Variants in NEGR1 observed in about 807,000 individuals in gnomAD.
NEGR1 encodes IgLON family member 4.
NEGR1 carries 10 observed loss-of-function variants against 40.9 expected under a neutral mutation model. That is an observed-to-expected ratio of 0.24 (90% CI 0.15 to 0.42). The LOEUF (loss-of-function observed/expected upper bound fraction) is 0.42. Ranked by LOEUF, NEGR1 falls within the 10% of genes least tolerant of loss-of-function variation. NEGR1 has a pLI of 1.00. For missense variants in NEGR1, 352 were observed against 438.9 expected (o/e 0.80, Z 1.77); for synonymous variants, 185 against 166.8 (o/e 1.11, Z -0.84).
At chr1:72,155,719 C>T (rs1358842127) in intron 1 of NEGR1, among the ~76,000 whole-genome samples, 1 of 151,922 alleles carries the variant, frequency 6.6e-6, no homozygotes, top group African/African-American at 2.4e-5. Context: ...AGAGAATAGA[C>T]CTCAGACAAA....
At chr1:72,037,546 A>G (rs1352335313) in intron 1 of NEGR1, among the ~76,000 whole-genome samples, 1 of 152,032 alleles carries the variant, frequency 6.6e-6, no homozygotes, top group Non-Finnish European at 1.5e-5. Context: ...TTTGGGAAGC[A>G]CTCTGCCTTT....
chr1:71,928,477 C>A (rs1181112069), intron 2 of NEGR1, among the ~76,000 whole-genome samples: 1 of 114,482 alleles, frequency 8.7e-6, no homozygotes, highest in African/African-American at 3.0e-5. Context: ...TATATATACA[C>A]ATATATATGT....
intron 1 of NEGR1, among the ~76,000 whole-genome samples, chr1:71,991,038 A>G (rs983770054): frequency 3.9e-5 from 6 of 151,974 alleles, no homozygotes; most frequent in Admixed American, 3.9e-4. Context: ...TTGAATAAAT[A>G]TCCTGTAGTT....
At chr1:71,687,613 G>A (rs924689001) in intron 4 of NEGR1, among the ~76,000 whole-genome samples, 2 of 152,284 alleles carry the variant, frequency 1.3e-5, no homozygotes, top group Admixed American at 1.3e-4. Context: ...TCTATTCACT[G>A]GGAATCCTAA....
At position 71,435,015 on chromosome 1, in the gene NEGR1, T is replaced by C. The variant is rs574013785; in HGVS notation, c.941-27445A>G. Reference sequence around the variant, plus strand: ...CTGAGGCAGGAGAATGGCGTGAACCTGGGAGGCAGAGCTTGCAGTGAGCCG... The same window carrying C: ...CTGAGGCAGGAGAATGGCGTGAACCCGGGAGGCAGAGCTTGCAGTGAGCCG... On this transcript the variant is annotated intron_variant, in intron 6 of 6. Coordinates refer to ENST00000357731, the MANE Select transcript of NEGR1 (RefSeq NM_173808.3). Among the ~76,000 whole-genome samples the C allele has an allele frequency of 8.4e-3, 1,271 of 151,772 alleles. 8 individuals carry two copies. The highest frequency in any genetic ancestry group is 0.016 in the African/African-American group (668 of 41,320).
chr1:71,776,363 T>C lies in NEGR1; in HGVS notation c.410-66A>G, dbSNP rs1570331406. The C allele has an allele frequency of 6.5e-6, 6 of 929,920 alleles. No individual in the cohort carries two copies. The East Asian group carries it at 1.8e-4, about 28-fold the overall frequency. The allele number at this position is 929,920 out of a possible 1,614,324, so 57.6% of individuals were successfully genotyped here. On this transcript the variant is annotated intron_variant, in intron 2 of 6. Transcript: ENST00000357731. Reference sequence around the variant, plus strand: ...AAAGTTTTGTTGAAGTACGTATGATTAATTCCATAATATCATGCAAGAAAG... The same window carrying C: ...AAAGTTTTGTTGAAGTACGTATGATCAATTCCATAATATCATGCAAGAAAG...
chr1:71,855,745 C>A (rs1401423374), intron 2 of NEGR1, among the ~76,000 whole-genome samples: 1 of 122,388 alleles, frequency 8.2e-6, no homozygotes, highest in East Asian at 3.0e-4. Context: ...ATATTAATGT[C>A]ATCATGAAAA....
intron 1 of NEGR1, among the ~76,000 whole-genome samples, chr1:72,149,015 C>A (rs529218037): frequency 9.9e-5 from 15 of 152,258 alleles, no homozygotes; most frequent in Admixed American, 7.9e-4. Context: ...TGCAACTTTA[C>A]TGGTACCAAT....
chr1:71,939,671 A>G (rs1364805080), intron 1 of NEGR1, among the ~76,000 whole-genome samples: 1 of 152,200 alleles, frequency 6.6e-6, no homozygotes, highest in African/African-American at 2.4e-5. Flanking sequence ...ATCAGAAAAA[A>G]AGGCAAGTCA....
intron 1 of NEGR1, among the ~76,000 whole-genome samples, chr1:72,264,193 C>T (rs1655561628): frequency 6.6e-6 from 1 of 151,178 alleles, no homozygotes; most frequent in Non-Finnish European, 1.5e-5. Context: ...GATTGAGTTC[C>T]AATCCAAGCT....
intron 6 of NEGR1, among the ~76,000 whole-genome samples, chr1:71,540,403 AT>A (rs1435131367): frequency 2.6e-5 from 4 of 151,768 alleles, no homozygotes; most frequent in African/African-American, 9.7e-5. Flanking sequence ...CGGACTGTTT[AT>A]TTCCTTATAC....
At chr1:71,428,181 C>A (rs549727879) in intron 6 of NEGR1, among the ~76,000 whole-genome samples, 2 of 152,270 alleles carry the variant, frequency 1.3e-5, no homozygotes, top group South Asian at 4.2e-4. Flanking sequence ...ATAAAGACTG[C>A]AAATGCCCTC....
At chr1:72,243,439 C>T (rs1004314098) in intron 1 of NEGR1, among the ~76,000 whole-genome samples, 4 of 151,666 alleles carry the variant, frequency 2.6e-5, no homozygotes, top group African/African-American at 4.8e-5. Flanking sequence ...CCCTGTGACA[C>T]GCAATTTACC....
intron 2 of NEGR1, among the ~76,000 whole-genome samples, chr1:71,876,405 A>C (rs1660431300): frequency 6.6e-6 from 1 of 151,968 alleles, no homozygotes; most frequent in Non-Finnish European, 1.5e-5. Context: ...GTCCCAGCTA[A>C]TCTAGGGGCT....
At chr1:72,040,027 T>C (rs1646938044) in intron 1 of NEGR1, among the ~76,000 whole-genome samples, 1 of 152,002 alleles carries the variant, frequency 6.6e-6, no homozygotes, top group Non-Finnish European at 1.5e-5. Context: ...AATGTGAGGC[T>C]GAGAATAAAC....
chr1:71,989,324 T>A (rs1457895950), intron 1 of NEGR1, among the ~76,000 whole-genome samples: 1 of 152,142 alleles, frequency 6.6e-6, no homozygotes, highest in East Asian at 1.9e-4. Context: ...GATCAACATT[T>A]TAAAAATGCA....
chr1:71,431,061 T>C (rs1471547371), intron 6 of NEGR1, among the ~76,000 whole-genome samples: 2 of 140,240 alleles, frequency 1.4e-5, no homozygotes, highest in Non-Finnish European at 3.2e-5. Context: ...AAGACTTTTT[T>C]TTTTATGATC....
At chr1:71,927,917 G>C (rs955030121) in intron 2 of NEGR1, among the ~76,000 whole-genome samples, 1 of 144,720 alleles carries the variant, frequency 6.9e-6, no homozygotes, top group Non-Finnish European at 1.5e-5. Context: ...AGGATCACCT[G>C]AGGCCAGGGA....
At chr1:71,633,460 G>C (rs1040669144) in intron 4 of NEGR1, among the ~76,000 whole-genome samples, 1 of 152,210 alleles carries the variant, frequency 6.6e-6, no homozygotes, top group East Asian at 1.9e-4. Flanking sequence ...GAATGGAGGA[G>C]TTTGAGTCTA....
Sources: gnomAD v4.1 joint callset for allele counts (sites outside exome capture counted in the v4.1 genomes callset) on GRCh38, gnomAD v4.1.1 for gene constraint, MANE v1.5 for transcripts, NCBI Gene and HGNC (gene_info 2026-07-23, HGNC 2026-07-21) for gene names.